The following PAPPA variants were observed in gnomAD, a reference collection of about 807,000 sequenced individuals.
PAPPA encodes pappalysin 1.
Under a neutral mutation model 164.0 loss-of-function variants are expected in PAPPA, and 60 were observed. The observed-to-expected ratio is 0.37, with a 90% CI of 0.30 to 0.45. The LOEUF (loss-of-function observed/expected upper bound fraction) is 0.45. Among genes scored for constraint, PAPPA ranks in the 20% least tolerant of loss-of-function variants. The probability of loss-of-function intolerance (pLI) is 1.00; values close to 1 mark genes in which losing one functional copy is unlikely to be tolerated. For synonymous variants in PAPPA, 875 were observed against 814.1 expected, an observed-to-expected ratio of 1.07 and a Z score of -1.27; for missense variants, 1,782 against 2,087.3, an observed-to-expected ratio of 0.85 and a Z score of 2.85.
chr9:116,225,069 A>G (rs1424367293), intron 5 of PAPPA, among the ~76,000 whole-genome samples: 2 of 152,232 alleles, frequency 1.3e-5, no homozygotes, highest in African/African-American at 4.8e-5. Flanking sequence ...TCAAGAATTC[A>G]CTGAAACTCA....
intron 20 of PAPPA, among the ~76,000 whole-genome samples, chr9:116,378,613 C>A (rs1466857625): frequency 6.6e-6 from 1 of 152,146 alleles, no homozygotes; most frequent in Non-Finnish European, 1.5e-5. Context: ...AACAGAGACC[C>A]AGGCAGTGGC....
At chr9:116,158,779 C>A (rs1034638670) in intron 1 of PAPPA, among the ~76,000 whole-genome samples, 4 of 152,182 alleles carry the variant, frequency 2.6e-5, no homozygotes, top group Admixed American at 6.5e-5. Flanking sequence ...CATGTTTTGC[C>A]TTCACAACTA....
intron 5 of PAPPA, among the ~76,000 whole-genome samples, chr9:116,222,054 A>G (rs1042326691): frequency 5.3e-5 from 8 of 152,252 alleles, no homozygotes; most frequent in African/African-American, 1.4e-4. Context: ...CATGGAAAAT[A>G]GTATGGGGGT....
At chr9:116,216,251 C>G (rs1297055664) in intron 4 of PAPPA, among the ~76,000 whole-genome samples, 1 of 152,148 alleles carries the variant, frequency 6.6e-6, no homozygotes, top group Admixed American at 6.5e-5. Flanking sequence ...CAGCTAACAT[C>G]TTATTCCTCA....
At chr9:116,237,040 A>C (rs1844676768) in intron 7 of PAPPA, among the ~76,000 whole-genome samples, 1 of 152,222 alleles carries the variant, frequency 6.6e-6, no homozygotes, top group Non-Finnish European at 1.5e-5. Context: ...TTGGTTCTAA[A>C]ATGATGTAAG....
rs1298720466 is a variant in PAPPA, at chr9:116,399,582, G to A, written c.*2966G>A. The stretch of plus-strand genomic sequence containing the variant: ...AAACACTGAAGGTTCTGCATCTGAA[G>A]TATTAGATTGTTAGCAGCAAAATAT... On this transcript the variant is annotated 3_prime_UTR_variant, in exon 22 of 22. Coordinates refer to ENST00000328252, the MANE Select transcript of PAPPA (RefSeq NM_002581.5). 2.0e-5 allele frequency: 3 copies of A among 152,616 alleles called. No individual in the cohort carries two copies. The highest frequency in any genetic ancestry group is 4.4e-5 in the Non-Finnish European group (3 of 68,036). 9.5% of individuals were successfully genotyped at this position (152,616 alleles called of 1,614,324 possible).
rs919147309 is a variant in PAPPA at position 116,399,765 on chromosome 9, T to C, written c.*3149T>C. ...TTGGGAAATGAGTTTTGATGGTGAA[T>C]TGGGGTGTTAAGGAAGGGAAAGATT... is the stretch of plus-strand genomic sequence containing the variant. On this transcript the variant is annotated 3_prime_UTR_variant, in exon 22 of 22. Transcript: ENST00000328252. 2 of 152,564 alleles carry C rather than the reference T, an allele frequency of 1.3e-5. No individual in the cohort carries two copies. The highest frequency in any genetic ancestry group is 4.8e-5 in the African/African-American group (2 of 41,420). 9.5% of individuals were successfully genotyped at this position (152,564 alleles called of 1,614,324 possible).
At chr9:116,176,813 C>A (rs1843841285) in intron 1 of PAPPA, among the ~76,000 whole-genome samples, 1 of 152,060 alleles carries the variant, frequency 6.6e-6, no homozygotes, top group African/African-American at 2.4e-5. Context: ...AGCAAAGTTA[C>A]ACAGAGAAAT....
At chr9:116,254,695 T>G (rs146179565) in intron 7 of PAPPA, among the ~76,000 whole-genome samples, 4,021 of 145,776 alleles carry the variant, frequency 0.028, 172 homozygotes, top group African/African-American at 0.097. Flanking sequence ...GGCAGGAGAA[T>G]GGCGTGAACC....
At chr9:116,165,885 C>A (rs1843714501) in intron 1 of PAPPA, among the ~76,000 whole-genome samples, 1 of 152,192 alleles carries the variant, frequency 6.6e-6, no homozygotes, top group Non-Finnish European at 1.5e-5. Flanking sequence ...ACTATGCTTT[C>A]TGCACACTTT....
intron 1 of PAPPA, among the ~76,000 whole-genome samples, chr9:116,159,308 G>A (rs543881689): frequency 6.6e-6 from 1 of 152,284 alleles, no homozygotes; most frequent in African/African-American, 2.4e-5. Context: ...ACTCAGTCAA[G>A]GGTAGCCGGA....
chr9:116,175,934 C>T (rs975122318), intron 1 of PAPPA, among the ~76,000 whole-genome samples: 1 of 152,124 alleles, frequency 6.6e-6, no homozygotes, highest in African/African-American at 2.4e-5. Context: ...GAGGCTGTGC[C>T]CTCAACAACT....
At chr9:116,313,247 G>A (rs1187890215) in intron 10 of PAPPA, among the ~76,000 whole-genome samples, 2 of 152,046 alleles carry the variant, frequency 1.3e-5, no homozygotes, top group African/African-American at 4.8e-5. Context: ...CTGCTGAGAG[G>A]TTCCCTGTGC....
At chr9:116,293,873 T>G (rs1174208402) in intron 9 of PAPPA, among the ~76,000 whole-genome samples, 1 of 152,122 alleles carries the variant, frequency 6.6e-6, no homozygotes, top group East Asian at 1.9e-4. Context: ...GAGAATCACT[T>G]GAACCCACGG....
At chr9:116,263,219 T>C (rs1241137864) in intron 7 of PAPPA, among the ~76,000 whole-genome samples, 2 of 152,080 alleles carry the variant, frequency 1.3e-5, no homozygotes, top group Non-Finnish European at 2.9e-5. Flanking sequence ...ATGATGTTAG[T>C]GGATAAGAAG....
intron 19 of PAPPA, among the ~76,000 whole-genome samples, chr9:116,372,268 C>G (rs1423100553): frequency 2.6e-5 from 4 of 152,176 alleles, no homozygotes; most frequent in Non-Finnish European, 4.4e-5. Flanking sequence ...TTTTCTGCTT[C>G]CAAAGGGGGA....
chr9:116,309,032 A>T (rs1371964048), intron 10 of PAPPA, among the ~76,000 whole-genome samples: 1 of 152,178 alleles, frequency 6.6e-6, no homozygotes, highest in African/African-American at 2.4e-5. Context: ...AGGAAACCTT[A>T]AAATGTCAGT....
At chr9:116,368,999 G>C (rs966802556) in intron 19 of PAPPA, among the ~76,000 whole-genome samples, 2 of 152,160 alleles carry the variant, frequency 1.3e-5, no homozygotes. Flanking sequence ...CTCTTTTGCT[G>C]TCTCTTTTTC....
chr9:116,198,724 C>T (rs1432949536), intron 2 of PAPPA, among the ~76,000 whole-genome samples: 2 of 152,162 alleles, frequency 1.3e-5, no homozygotes, highest in Non-Finnish European at 2.9e-5. Context: ...TGTTCTGACA[C>T]TTTGCTTTCT....
Sources: allele counts gnomAD v4.1 joint callset (sites outside exome capture counted in the v4.1 genomes callset), GRCh38; gene constraint gnomAD v4.1.1; transcripts MANE v1.5; gene names NCBI Gene and HGNC (gene_info 2026-07-23, HGNC 2026-07-21).